Variants in CACNB2 observed in about 807,000 individuals in gnomAD.
CACNB2 encodes the protein calcium voltage-gated channel auxiliary subunit beta 2.
A neutral mutation model predicts 73.3 loss-of-function variants in CACNB2; 42 were observed. That is an observed-to-expected ratio of 0.57 (90% CI 0.45 to 0.74). CACNB2 has a LOEUF of 0.74. Among genes scored for constraint, CACNB2 ranks in the 30% least tolerant of loss-of-function variants. The probability of loss-of-function intolerance (pLI) is 0.00; values close to 1 mark genes in which losing one functional copy is unlikely to be tolerated. For synonymous variants in CACNB2, 348 were observed against 310.3 expected, an observed-to-expected ratio of 1.12 and a Z score of -1.28; for missense variants, 940 against 853.0, an observed-to-expected ratio of 1.10 and a Z score of -1.27.
intron 3 of CACNB2, among the ~76,000 whole-genome samples, chr10:18,403,261 G>A (rs1158284671): frequency 6.6e-6 from 1 of 152,140 alleles, no homozygotes; most frequent in Admixed American, 6.5e-5. Context: ...CAATGAATCT[G>A]CTCTACCAAT....
At chr10:18,340,829 C>A in intron 2 of CACNB2, 1 of 1,612,300 alleles carries the variant, frequency 6.2e-7, no homozygotes, top group South Asian at 1.1e-5. Context: ...TGCTGTTCAG[C>A]AAAGCAAGAC....
chr10:18,477,086 CG>C, intron 3 of CACNB2, among the ~76,000 whole-genome samples: 1 of 151,560 alleles, frequency 6.6e-6, no homozygotes, highest in South Asian at 2.1e-4. Context: ...TTGCAAAGGG[CG>C]TAGCCTTTGG....
At chr10:18,465,446 T>A (rs371233429) in intron 3 of CACNB2, among the ~76,000 whole-genome samples, 106 of 152,186 alleles carry the variant, frequency 7.0e-4, no homozygotes, top group African/African-American at 2.5e-3. Flanking sequence ...TGGGAAAAAA[T>A]GTACAGATGA....
rs185821445 is a variant in CACNB2 at position 18,201,515 on chromosome 10, T to A, written c.213+50540T>A. Reference sequence around the variant, plus strand: ...GTCTTGAACTCCTGACCTCATGTGATCCTCCCACCTTGGCCTCCTAAAGTG... The same window carrying A: ...GTCTTGAACTCCTGACCTCATGTGAACCTCCCACCTTGGCCTCCTAAAGTG... On this transcript the variant is annotated intron_variant, in intron 2 of 13. Transcript: ENST00000324631. Among the ~76,000 whole-genome samples, 65 of 152,286 alleles carry A rather than the reference T, an allele frequency of 4.3e-4. 2 individuals carry two copies. The highest frequency in any genetic ancestry group is 3.8e-3 in the Admixed American group (58 of 15,292).
At chr10:18,466,225 C>T (rs977232761) in intron 3 of CACNB2, among the ~76,000 whole-genome samples, 32 of 152,152 alleles carry the variant, frequency 2.1e-4, no homozygotes, top group Middle Eastern at 3.4e-3. Context: ...TCGTCTTTTG[C>T]CTATTTAATC....
chr10:18,427,019 G>A (rs1287274543), intron 3 of CACNB2, among the ~76,000 whole-genome samples: 3 of 119,920 alleles, frequency 2.5e-5, no homozygotes, highest in Admixed American at 1.1e-4. Context: ...GCAGTGGTGC[G>A]ATCTCGGCTC....
In CACNB2 at chr10:18,539,514, A is replaced by G. The variant is rs1167487582; in HGVS notation, c.1773A>G (p.Arg591=). The G allele has an allele frequency of 6.2e-7, 1 of 1,613,852 alleles. No individual in the cohort carries two copies. Among genetic ancestry groups the G allele is most frequent in the Non-Finnish European group, 8.5e-7 (1 of 1,179,990 alleles). ...CCTCACACCGTGACCACAACCACAG[A>G]GACGAGACCCACGGGAGCAGTGACC... ...HYASHRDHNH[R]DETHGSSDHR... Residue 591 remains arginine (R), a synonymous_variant, in exon 14 of 14, where the codon AGA becomes AGG. Transcript: ENST00000324631.
At chr10:18,204,803 TAA>T (rs1470133510) in intron 2 of CACNB2, among the ~76,000 whole-genome samples, 1 of 152,194 alleles carries the variant, frequency 6.6e-6, no homozygotes, top group Non-Finnish European at 1.5e-5. Flanking sequence ...ACTTGTTGAG[TAA>T]ATGAATATAC....
chr10:18,462,083 C>T (rs1276361024), intron 3 of CACNB2, among the ~76,000 whole-genome samples: 8 of 152,288 alleles, frequency 5.3e-5, no homozygotes, highest in East Asian at 3.9e-4. Flanking sequence ...CCCATGCACA[C>T]GAACTTCTTG....
At chr10:18,349,426 T>C (rs2041612833) in intron 2 of CACNB2, among the ~76,000 whole-genome samples, 1 of 152,232 alleles carries the variant, frequency 6.6e-6, no homozygotes, top group Non-Finnish European at 1.5e-5. Context: ...TGATGCAGTA[T>C]CTGCTTTTAG....
chr10:18,362,208 C>T (rs2042170811), intron 2 of CACNB2, among the ~76,000 whole-genome samples: 1 of 152,144 alleles, frequency 6.6e-6, no homozygotes, highest in South Asian at 2.1e-4. Flanking sequence ...ACATCCTATT[C>T]TTTTCAGCCA....
intron 3 of CACNB2, among the ~76,000 whole-genome samples, chr10:18,479,642 TG>T (rs1288211073): frequency 6.6e-6 from 1 of 152,172 alleles, no homozygotes; most frequent in Non-Finnish European, 1.5e-5. Flanking sequence ...TCTGTTCTCA[TG>T]ATAGTGAGGT....
At chr10:18,229,522 G>C (rs969646542) in intron 2 of CACNB2, among the ~76,000 whole-genome samples, 1 of 151,930 alleles carries the variant, frequency 6.6e-6, no homozygotes, top group African/African-American at 2.4e-5. Flanking sequence ...AATTTTGCTT[G>C]GTAAGATATG....
intron 6 of CACNB2, among the ~76,000 whole-genome samples, chr10:18,509,248 G>A (rs2050641324): frequency 6.6e-6 from 1 of 152,220 alleles, no homozygotes; most frequent in Admixed American, 6.5e-5. Flanking sequence ...GGTCTGTAAT[G>A]ATCATTTTCA....
chr10:18,497,583 C>A (rs2049914907), intron 3 of CACNB2, among the ~76,000 whole-genome samples: 1 of 152,012 alleles, frequency 6.6e-6, no homozygotes, highest in African/African-American at 2.4e-5. Flanking sequence ...CCACACCTAG[C>A]CTAATTTTTG....
At chr10:18,516,549 C>T (rs16917412) in intron 7 of CACNB2, among the ~76,000 whole-genome samples, 2,180 of 152,320 alleles carry the variant, frequency 0.014, 98 homozygotes, top group South Asian at 0.14. Context: ...TCTTACACCG[C>T]ATAGTTATCA....
At position 18,518,905 on chromosome 10, in the gene CACNB2, T is replaced by G. The variant is rs2051550651; in HGVS notation, c.886-5T>G. On this transcript the variant is annotated splice_polypyrimidine_tract_variant and splice_region_variant and intron_variant, in intron 8 of 13. Coordinates refer to ENST00000324631, the MANE Select transcript of CACNB2 (RefSeq NM_201596.3). ...TATCTTAATTTATTGCTTGCTCAATTGCAGGTCACAGATATGATGCAAAAA... is the reference window on the plus strand; with the variant it reads ...TATCTTAATTTATTGCTTGCTCAATGGCAGGTCACAGATATGATGCAAAAA... 6.2e-7 allele frequency: 1 copy of G among 1,612,968 alleles called. No individual in the cohort carries two copies. Among genetic ancestry groups the G allele is most frequent in the African/African-American group, 1.3e-5 (1 of 74,886 alleles).
chr10:18,407,724 G>A (rs145865262), intron 3 of CACNB2, among the ~76,000 whole-genome samples: 1 of 151,960 alleles, frequency 6.6e-6, no homozygotes, highest in East Asian at 1.9e-4. Context: ...CCATCTTTTT[G>A]TTGTACCTGA....
chr10:18,472,377 C>A (rs1412624048), intron 3 of CACNB2, among the ~76,000 whole-genome samples: 2 of 151,746 alleles, frequency 1.3e-5, no homozygotes, highest in Non-Finnish European at 2.9e-5. Context: ...GCTGGGACTA[C>A]AGGTGCACGC....
Sources: gnomAD v4.1 joint callset for allele counts (sites outside exome capture counted in the v4.1 genomes callset) on GRCh38, gnomAD v4.1.1 for gene constraint, MANE v1.5 for transcripts, NCBI Gene and HGNC (gene_info 2026-07-23, HGNC 2026-07-21) for gene names.